The following NOX1 variants were observed in gnomAD, a reference collection of about 807,000 sequenced individuals.
The protein encoded by NOX1 is NADH/NADPH mitogenic oxidase subunit P65-MOX.
Under a neutral mutation model 42.5 loss-of-function variants are expected in NOX1, and 34 were observed. That is an observed-to-expected ratio of 0.80 (90% confidence interval 0.61 to 1.07). The LOEUF (loss-of-function observed/expected upper bound fraction) is 1.07, where lower values mean the gene tolerates loss of function less well. Ranked by LOEUF, NOX1 falls within the 50% of genes least tolerant of loss-of-function variation. The pLI is 0.00. For missense variants in NOX1, 408 were observed against 427.0 expected (o/e 0.96, Z 0.39); for synonymous variants, 143 against 152.5 (o/e 0.94, Z 0.46).
chrX:100,850,055 T>A lies in NOX1; in HGVS notation c.1133+96A>T, dbSNP rs1052764148. On this transcript the variant is annotated intron_variant, in intron 9 of 12. Coordinates refer to ENST00000372966, the MANE Select transcript of NOX1 (RefSeq NM_007052.5). ...TTCTGCATATTTATTATAATCCTAT[T>A]CTATTGTACCAAACTTAAGATTCAA... The A allele has an allele frequency of 3.1e-6, 3 of 977,183 alleles. No homozygotes were observed. The African/African-American group carries it at 5.8e-5, about 19-fold the overall frequency. The allele number at this position is 977,183 out of a possible 1,213,427, so 80.5% of individuals were successfully genotyped here.
intron 2 of NOX1, among the ~76,000 whole-genome samples, chrX:100,869,443 C>T (rs1289003232): frequency 9.3e-6 from 1 of 107,001 alleles, no homozygotes; most frequent in African/African-American, 3.4e-5. Context: ...GGAGTTCACT[C>T]ATGATTTGGC....
intron 7 of NOX1, among the ~76,000 whole-genome samples, chrX:100,854,671 T>C (rs1197006040): frequency 5.4e-5 from 6 of 112,141 alleles, no homozygotes; most frequent in Non-Finnish European, 1.1e-4. Flanking sequence ...GGTACCATTA[T>C]TCAACGTAGA....
chrX:100,853,565 G>A (rs956499409), intron 7 of NOX1, among the ~76,000 whole-genome samples: 25 of 104,693 alleles, frequency 2.4e-4, no homozygotes, highest in Non-Finnish European at 3.9e-4. Flanking sequence ...CACACCTGGC[G>A]AATTTTTGCA....
At chrX:100,869,465 C>G (rs1166259300) in intron 2 of NOX1, among the ~76,000 whole-genome samples, 8 of 108,262 alleles carry the variant, frequency 7.4e-5, no homozygotes, top group Non-Finnish European at 1.5e-4. Context: ...CTCTGTTTGT[C>G]TGTTGTTGGT....
chrX:100,859,772 T>A (rs1321913708), intron 7 of NOX1, among the ~76,000 whole-genome samples: 8 of 107,660 alleles, frequency 7.4e-5, no homozygotes, highest in Non-Finnish European at 9.6e-5. Flanking sequence ...TTTTTTTTTT[T>A]AATTTCTGTG....
chrX:100,844,098 G>A lies in NOX1; in HGVS notation c.1569-20C>T. On this transcript the variant is annotated intron_variant, in intron 12 of 12. Transcript: ENST00000372966. ...ACAGACCTGTAGGAACAGAACAATA[G>A]TAAGGGCTAGAATGCAGCAATGACA... The A allele has an allele frequency of 8.6e-7, 1 of 1,156,229 alleles. No homozygotes were observed. The highest frequency in any genetic ancestry group is 1.2e-6 in the Non-Finnish European group (1 of 864,440).
chrX:100,847,785 A>AG (rs1556121241), intron 12 of NOX1, among the ~76,000 whole-genome samples: 2 of 107,366 alleles, frequency 1.9e-5, no homozygotes, highest in African/African-American at 6.8e-5. Context: ...AAAAAAAAAA[A>AG]GGTAATCAAG....
intron 7 of NOX1, among the ~76,000 whole-genome samples, chrX:100,859,660 T>A (rs1462250901): frequency 1.8e-5 from 2 of 110,038 alleles, no homozygotes; most frequent in Non-Finnish European, 3.8e-5. Context: ...CGTGGTCTGG[T>A]CTTGCGAGGT....
intron 7 of NOX1, among the ~76,000 whole-genome samples, chrX:100,857,761 GT>G (rs2085177361): frequency 9.6e-6 from 1 of 104,373 alleles, no homozygotes; most frequent in African/African-American, 3.6e-5. Flanking sequence ...GATAATTTGT[GT>G]TTTTTTGTTG....
In NOX1 at chrX:100,853,242, T is replaced by TTTCC. The variant is rs746546716; in HGVS notation, c.805-1921_805-1918dup. 8.8e-3 allele frequency among the ~76,000 whole-genome samples: 505 copies of TTTCC among 57,629 alleles called. 6 individuals carry two copies. Among genetic ancestry groups the TTTCC allele is most frequent in the South Asian group, 0.026 (31 of 1,206 alleles). 50.0% of individuals were successfully genotyped at this position (57,629 alleles called of 115,157 possible). ...CTTTCTCTTTCTTTCTTTTTCTTTCTTTCCTTCCTTCCTTCCTTCCTTTCT... is the reference window on the plus strand; with the variant it reads ...CTTTCTCTTTCTTTCTTTTTCTTTCTTTCCTTCCTTCCTTCCTTCCTTCCTTTCT... On this transcript the variant is annotated intron_variant, in intron 7 of 12. Transcript: ENST00000372966.
chrX:100,850,691 G>A (rs1205289398), intron 8 of NOX1, among the ~76,000 whole-genome samples: 1 of 112,223 alleles, frequency 8.9e-6, no homozygotes, highest in African/African-American at 3.2e-5. Context: ...AACATTGTGT[G>A]CACCAAACAA....
At chrX:100,868,906 A>G (rs1253035269) in intron 2 of NOX1, among the ~76,000 whole-genome samples, 1 of 110,794 alleles carries the variant, frequency 9.0e-6, no homozygotes, top group East Asian at 2.8e-4. Flanking sequence ...AGCACCATTT[A>G]TTAAATAGGG....
At chrX:100,849,171 G>C (rs1371300629) in intron 11 of NOX1, 109 bp downstream of exon 11, 16 of 831,346 alleles carry the variant, frequency 1.9e-5, no homozygotes, top group Non-Finnish European at 2.7e-5. Flanking sequence ...GTGTGAGTGT[G>C]AGGGCAGGTA....
Position 100,862,768 on chromosome X carries a change from T to G in NOX1, c.390A>C (p.Arg130=). The G allele has an allele frequency of 8.3e-7, 1 of 1,199,277 alleles. No homozygotes were observed. The highest frequency in any genetic ancestry group is 3.0e-5 in the East Asian group (1 of 33,788). ...AGGCAAGGGAGCCATCTGTGGCCTGTCGGCTTCTGCTATAGCAGTCAAAGT... is the reference window on the plus strand; with the variant it reads ...AGGCAAGGGAGCCATCTGTGGCCTGGCGGCTTCTGCTATAGCAGTCAAAGT... ...LFNFDCYSRS[R]QATDGSLASI... is the part of the protein sequence containing the mutation. Residue 130 remains arginine (R), a synonymous_variant, in exon 5 of 13, where the codon CGA becomes CGC. Transcript: ENST00000372966.
chrX:100,862,542 G>C lies in NOX1; in HGVS notation c.521C>G (p.Ala174Gly). ...TGTCATGATCACTCCAGTGAGACCA[G>C]CAATGCTGGTGAATGTCACATACTC... ...TVEYVTFTSIAGLTGVIMTIA... is the reference protein window; with the variant it reads ...TVEYVTFTSIGGLTGVIMTIA... The change falls in exon 6 of 13, where the codon GCT becomes GGT. Residue 174 changes from alanine (A) to glycine (G), a missense_variant. Ala to Gly is a moderately conservative substitution (Grantham distance 60, BLOSUM62 0). Transcript: ENST00000372966. 1 of 1,210,712 alleles carries C rather than the reference G, an allele frequency of 8.3e-7. No homozygotes were observed. Among genetic ancestry groups the C allele is most frequent in the East Asian group, 3.0e-5 (1 of 33,848 alleles).
Position 100,853,308 on chromosome X carries a change from T to TTCTCTTTC in NOX1, c.805-1984_805-1983insGAAAGAGA, listed in dbSNP as rs1261090414. Among the ~76,000 whole-genome samples the TTCTCTTTC allele has an allele frequency of 1.2e-4, 10 of 83,295 alleles. No homozygotes were observed. The East Asian group carries it at 1.4e-3, about 12-fold the overall frequency. 72.3% of individuals were successfully genotyped at this position (83,295 alleles called of 115,157 possible). A position where few individuals can be genotyped will look rare whatever the true frequency, so the allele number is the denominator to read the frequency against. ...TTTCTTTCTTTCTTTCTTTCTTTCT[T>TTCTCTTTC]TCTTTCTTTCTTTCTCTCTCTTTCT... is the stretch of plus-strand genomic sequence containing the variant. On this transcript the variant is annotated intron_variant, in intron 7 of 12. Transcript: ENST00000372966.
At chrX:100,860,747 CA>C (rs2085198045) in intron 7 of NOX1, among the ~76,000 whole-genome samples, 1 of 111,112 alleles carries the variant, frequency 9.0e-6, no homozygotes, top group Non-Finnish European at 1.9e-5. Flanking sequence ...TCTTTATTTA[CA>C]ATGGGAATTT....
intron 7 of NOX1, chrX:100,855,755 A>G (rs2085162562): frequency 1.9e-6 from 2 of 1,037,286 alleles, no homozygotes; most frequent in Non-Finnish European, 2.7e-6. Context: ...TTCCTCCACA[A>G]CCAAAGTTTT....
Position 100,874,333 on chromosome X carries a change from C to G in NOX1, c.-194G>C. The stretch of plus-strand genomic sequence containing the variant: ...TTCTGCCTTCCTTCTCTGGACAGAA[C>G]TGTGCTATCAGCTTAGATAGACCAG... On this transcript the variant is annotated 5_prime_UTR_variant, in exon 1 of 13. Coordinates refer to ENST00000372966, the MANE Select transcript of NOX1 (RefSeq NM_007052.5). The G allele has an allele frequency of 2.5e-6, 1 of 402,040 alleles. No individual in the cohort carries two copies. The highest frequency in any genetic ancestry group is 4.4e-6 in the Non-Finnish European group (1 of 227,199). The allele number at this position is 402,040 out of a possible 1,213,427, so 33.1% of individuals were successfully genotyped here. A position where few individuals can be genotyped will look rare whatever the true frequency, so the allele number is the denominator to read the frequency against.
Sources: gnomAD v4.1 joint callset for allele counts (sites outside exome capture counted in the v4.1 genomes callset) on GRCh38, gnomAD v4.1.1 for gene constraint, MANE v1.5 for transcripts, NCBI Gene and HGNC (gene_info 2026-07-23, HGNC 2026-07-21) for gene names.